USP1: variants seen among roughly 807,000 people sequenced by gnomAD.
USP1 encodes ubiquitin specific peptidase 1, also known as ubiquitin carboxyl-terminal hydrolase 1.
Under a neutral mutation model 72.2 loss-of-function variants are expected in USP1, and 18 were observed. That is an observed-to-expected ratio of 0.25 (90% CI 0.17 to 0.37). The LOEUF (loss-of-function observed/expected upper bound fraction) is 0.37, where lower values mean the gene tolerates loss of function less well. USP1 is among the 10% of genes least tolerant of loss of function. The pLI, the probability that USP1 is intolerant of heterozygous loss-of-function variation, is 1.00. For missense variants in USP1, 759 were observed against 884.9 expected, an observed-to-expected ratio of 0.86 and a Z score of 1.81; for synonymous variants, 354 against 303.7, an observed-to-expected ratio of 1.17 and a Z score of -1.72.
At position 62,451,034 on chromosome 1, in the gene USP1, TAA is replaced by T; in HGVS notation, c.*55_*56del. ...TTAAACACACCCATACAAACATTGG[TAA>T]AGTTGATTACATCAAAGAATCTTTA... On this transcript the variant is annotated 3_prime_UTR_variant, in exon 9 of 9. Coordinates refer to ENST00000339950, the MANE Select transcript of USP1 (RefSeq NM_003368.5). 6.8e-7 allele frequency: 1 copy of T among 1,460,512 alleles called. No homozygotes were observed. The highest frequency in any genetic ancestry group is 9.1e-7 in the Non-Finnish European group (1 of 1,100,510). The allele number at this position is 1,460,512 out of a possible 1,614,324, so 90.5% of individuals were successfully genotyped here.
At chr1:62,442,001 G>A (rs1398033064) in intron 3 of USP1, among the ~76,000 whole-genome samples, 194 bp from the exon 4 acceptor site, 1 of 152,186 alleles carries the variant, frequency 6.6e-6, no homozygotes, top group Non-Finnish European at 1.5e-5. Flanking sequence ...CCCAGGTGCA[G>A]TGCTTTGTGC....
chr1:62,448,614 A>T lies in USP1; in HGVS notation c.1570A>T (p.Met524Leu). 1 of 1,613,734 alleles carries T rather than the reference A, an allele frequency of 6.2e-7. No individual in the cohort carries two copies. Among genetic ancestry groups the T allele is most frequent in the Non-Finnish European group, 8.5e-7 (1 of 1,179,920 alleles). The change falls in exon 8 of 9, where the codon ATG (methionine) becomes TTG (leucine). Residue 524 changes from methionine to leucine, a missense_variant. By Grantham distance (15) the Met-to-Leu change is conservative (BLOSUM62 2). Transcript: ENST00000339950. ...TGAACGAAGTCTTTTGTTTGACAAA[A>T]TGCCTGAAGTTATAACTATTCATTT... Reference protein sequence around the residue: ...EAERSLLFDKMPEVITIHLKC... With the variant: ...EAERSLLFDKLPEVITIHLKC...
At chr1:62,446,636 C>T (rs1046560439) in intron 6 of USP1, among the ~76,000 whole-genome samples, 39 of 152,004 alleles carry the variant, frequency 2.6e-4, no homozygotes, top group African/African-American at 9.2e-4. Context: ...GTAAGTTACA[C>T]GATACTTGAA....
intron 2 of USP1, among the ~76,000 whole-genome samples, chr1:62,441,125 A>C (rs1262899417): frequency 1.3e-5 from 2 of 151,766 alleles, no homozygotes; most frequent in African/African-American, 2.4e-5. Context: ...AAATATTGTC[A>C]TGGTTAGTTT....
intron 5 of USP1, among the ~76,000 whole-genome samples, chr1:62,443,909 CACTT>C (rs890429219): frequency 2.2e-4 from 34 of 152,088 alleles, no homozygotes; most frequent in Admixed American, 2.2e-3. Context: ...TTAAAACAAT[CACTT>C]AAGCATTTAG....
Position 62,442,099 on chromosome 1 carries a change from T to G in USP1, c.292-96T>G, listed in dbSNP as rs1645138164. 4.8e-6 allele frequency: 4 copies of G among 830,916 alleles called. No homozygotes were observed. The South Asian group carries it at 5.6e-5, about 12-fold the overall frequency. 51.5% of individuals were successfully genotyped at this position (830,916 alleles called of 1,614,324 possible). A position where few individuals can be genotyped will look rare whatever the true frequency, so the allele number is the denominator to read the frequency against. ...AATCTCAGAATTTTAGGGTAATACA[T>G]GTTAAAAGTGCTCTATAGAAAGCAT... On this transcript the variant is annotated intron_variant, in intron 3 of 8. Transcript: ENST00000339950.
intron 8 of USP1, among the ~76,000 whole-genome samples, chr1:62,449,154 G>A (rs565708693): frequency 6.6e-6 from 1 of 152,306 alleles, no homozygotes; most frequent in African/African-American, 2.4e-5. Flanking sequence ...AAAGTGCTGG[G>A]ATTACAGGCG....
rs1305051641 is a variant in USP1 at position 62,445,289 on chromosome 1, A to C, written c.1109A>C (p.Gln370Pro). ...KITTNQGVKG[Q>P]SKENECDPEE... ...ACAACAAACCAAGGAGTCAAAGGAC[A>C]ATCTAAAGAAAATGAATGTGATCCT... The change falls in exon 6 of 9, where the codon CAA becomes CCA. Residue 370 changes from glutamine to proline, a missense_variant. By Grantham distance (76) the Gln-to-Pro change is moderately conservative (BLOSUM62 -1). Transcript: ENST00000339950. 6.2e-7 allele frequency: 1 copy of C among 1,613,698 alleles called. No homozygotes were observed. The highest frequency in any genetic ancestry group is 1.1e-5 in the South Asian group (1 of 90,886).
At position 62,437,340 on chromosome 1, in the gene USP1, ACT is replaced by A; in HGVS notation, c.-128_-127del. The A allele has an allele frequency of 2.5e-6, 1 of 395,082 alleles. No homozygotes were observed. The allele number at this position is 395,082 out of a possible 1,614,324, so 24.5% of individuals were successfully genotyped here. ...GCAGGGACTCACCTGTCGCACCCAC[ACT>A]CATTCGGGTTGGACTTGCCGGCGTC... On this transcript the variant is annotated 5_prime_UTR_variant, in exon 1 of 9. The change creates a premature stop within an existing upstream ORF in the 5' untranslated region. Transcript: ENST00000339950.
In USP1 at chr1:62,441,618, C is replaced by T; in HGVS notation, c.291+10C>T. 6.2e-7 allele frequency: 1 copy of T among 1,601,258 alleles called. No homozygotes were observed. ...TAATAGTATACTTCAGGTAAATTGA[C>T]AATTTTGCTATATCATAAAGCTTTA... On this transcript the variant is annotated intron_variant, in intron 3 of 8. Transcript: ENST00000339950.
chr1:62,447,192 A>G, intron 6 of USP1, 149 bp from the exon 7 acceptor site: 1 of 703,294 alleles, frequency 1.4e-6, no homozygotes, highest in African/African-American at 1.8e-5. Flanking sequence ...TTAATAGGGT[A>G]CCTCTAATAA....
At chr1:62,444,456 T>TA (rs1298480101) in intron 5 of USP1, among the ~76,000 whole-genome samples, 1 of 152,088 alleles carries the variant, frequency 6.6e-6, no homozygotes. Flanking sequence ...ACATAGGAGA[T>TA]AAAAAACATT....
At chr1:62,436,608 G>A (rs2149202659), upstream of USP1, 1 of 152,976 alleles carries the variant, frequency 6.5e-6, no homozygotes, top group South Asian at 2.1e-4. Flanking sequence ...CGCGGTTTTG[G>A]GGATTGTTCA....
At chr1:62,437,666 A>G (rs1332280401) in intron 1 of USP1, among the ~76,000 whole-genome samples, 3 of 152,188 alleles carry the variant, frequency 2.0e-5, no homozygotes, top group Non-Finnish European at 4.4e-5. Context: ...CGCCGCCGCC[A>G]GCCTCCCCCG....
At chr1:62,445,591 T>C (rs1645166192) in intron 6 of USP1, among the ~76,000 whole-genome samples, 162 bp downstream of exon 6, 1 of 150,876 alleles carries the variant, frequency 6.6e-6, no homozygotes, top group African/African-American at 2.5e-5. Context: ...AGTGCTATGC[T>C]TAGATTAGTG....
In USP1 at chr1:62,445,352, C is replaced by A; in HGVS notation, c.1172C>A (p.Thr391Asn). 6.2e-7 allele frequency: 1 copy of A among 1,610,616 alleles called. No individual in the cohort carries two copies. Among genetic ancestry groups the A allele is most frequent in the Non-Finnish European group, 8.5e-7 (1 of 1,179,044 alleles). ...DLGKCESDNT[T>N]NGCGLESPGN... The stretch of plus-strand genomic sequence containing the variant: ...GGGAAGTGTGAAAGTGATAACACAA[C>A]TAATGGTTGTGGACTTGAATCTCCA... Residue 391 changes from threonine to asparagine, a missense_variant, in exon 6 of 9, where the codon ACT becomes AAT. Transcript: ENST00000339950.
In USP1 at chr1:62,450,945, T is replaced by C; in HGVS notation, c.2322T>C (p.Thr774=). 2.5e-6 allele frequency: 4 copies of C among 1,604,902 alleles called. No individual in the cohort carries two copies. The highest frequency in any genetic ancestry group is 3.4e-6 in the Non-Finnish European group (4 of 1,177,600). ...LNSLSPSTSP[T]STPYLLFYKK... is the part of the protein sequence containing the mutation. ...CTCTTTCCCCTTCTACATCTCCTAC[T>C]TCTACTCCTTACTTGCTATTTTATA... Residue 774 remains threonine, a synonymous_variant, in exon 9 of 9, where the codon ACT becomes ACC. Coordinates refer to ENST00000339950, the MANE Select transcript of USP1 (RefSeq NM_003368.5).
In USP1 at chr1:62,440,130, C is replaced by T. The variant is rs1054626257; in HGVS notation, c.170+93C>T. On this transcript the variant is annotated intron_variant, in intron 2 of 8. Transcript: ENST00000339950. ...TCCAGTCTGACTTGATAGTCTGTAG[C>T]GGCACAAAAAAGTACGCTTCAGTGT... 31 of 1,188,048 alleles carry T rather than the reference C, an allele frequency of 2.6e-5. No homozygotes were observed. The East Asian group carries it at 4.4e-4, about 17-fold the overall frequency. 73.6% of individuals were successfully genotyped at this position (1,188,048 alleles called of 1,614,324 possible).
In USP1 at chr1:62,437,692, C is replaced by G. The variant is rs9436222; in HGVS notation, c.-70+292C>G. 0.41 allele frequency among the ~76,000 whole-genome samples: 62,851 copies of G among 151,866 alleles called. 14,701 individuals carry two copies. The highest frequency in any genetic ancestry group is 0.65 in the African/African-American group (26,752 of 41,386). Reference sequence around the variant, plus strand: ...GCCTCCCCCGACCGGGCAGCCTGGTCGCTGCTCGTCCTTCCAGCTTTCTTT... The same window carrying G: ...GCCTCCCCCGACCGGGCAGCCTGGTGGCTGCTCGTCCTTCCAGCTTTCTTT... On this transcript the variant is annotated intron_variant, in intron 1 of 8. Coordinates refer to ENST00000339950, the MANE Select transcript of USP1 (RefSeq NM_003368.5).
Sources: allele counts gnomAD v4.1 joint callset (sites outside exome capture counted in the v4.1 genomes callset), GRCh38; gene constraint gnomAD v4.1.1; transcripts MANE v1.5; gene names NCBI Gene and HGNC (gene_info 2026-07-23, HGNC 2026-07-21).